Variants in RAF1 observed in about 807,000 individuals in gnomAD.
The protein encoded by RAF1 is Raf-1 proto-oncogene, serine/threonine kinase, also known as RAF proto-oncogene serine/threonine-protein kinase.
Under a neutral mutation model 81.1 loss-of-function variants are expected in RAF1, and 27 were observed. That is an observed-to-expected ratio of 0.33 (90% CI 0.25 to 0.46). RAF1 has a LOEUF of 0.46. RAF1 is among the 20% of genes least tolerant of loss of function. The probability of loss-of-function intolerance (pLI) is 1.00; values close to 1 mark genes in which losing one functional copy is unlikely to be tolerated. For synonymous variants in RAF1, 298 were observed against 294.0 expected (o/e 1.01, Z -0.14); for missense variants, 598 against 826.0 (o/e 0.72, Z 3.38).
At chr3:12,642,324 A>C (rs2060213984) in intron 1 of RAF1, among the ~76,000 whole-genome samples, 1 of 146,582 alleles carries the variant, frequency 6.8e-6, no homozygotes, top group African/African-American at 2.5e-5. Context: ...AAACAAAAAA[A>C]CAAAAACAAA....
At position 12,618,664 on chromosome 3, in the gene RAF1, C is replaced by A. The variant is rs2125453554; in HGVS notation, c.58G>T (p.Ala20Ser). The A allele has an allele frequency of 6.2e-7, 1 of 1,614,210 alleles. No homozygotes were observed. ...ATGCAGCTGGAGCCATCAAACACGG[C>A]ATCTTTGAATCCAAAACCATTGCTG... The change falls in exon 2 of 18, where the codon GCC becomes TCC. Residue 20 changes from alanine (A) to serine (S), a missense_variant. By Grantham distance (99) the Ala-to-Ser change is moderately conservative. Transcript: ENST00000442415.
chr3:12,615,640 A>G (rs1344994994), intron 2 of RAF1, among the ~76,000 whole-genome samples: 1 of 152,162 alleles, frequency 6.6e-6, no homozygotes, highest in Non-Finnish European at 1.5e-5. Context: ...AACAGGCAAA[A>G]CTAACCTAGG....
At chr3:12,635,730 T>C (rs1465793577) in intron 1 of RAF1, among the ~76,000 whole-genome samples, 2 of 151,126 alleles carry the variant, frequency 1.3e-5, no homozygotes, top group East Asian at 3.9e-4. Context: ...TCCCAGCACT[T>C]TGGGAGGCCA....
At chr3:12,594,489 C>T (rs2058624255) in intron 11 of RAF1, among the ~76,000 whole-genome samples, 1 of 152,198 alleles carries the variant, frequency 6.6e-6, no homozygotes, top group Non-Finnish European at 1.5e-5. Context: ...CTAGTTGTCA[C>T]TGAACCCACC....
intron 1 of RAF1, among the ~76,000 whole-genome samples, chr3:12,639,605 G>A (rs907134499): frequency 3.3e-5 from 5 of 152,106 alleles, no homozygotes; most frequent in Admixed American, 3.3e-4. Flanking sequence ...CAAATCATGA[G>A]TGAACTCTCA....
At chr3:12,636,457 C>A (rs74749925) in intron 1 of RAF1, among the ~76,000 whole-genome samples, 2 of 91,286 alleles carry the variant, frequency 2.2e-5, no homozygotes, top group African/African-American at 9.1e-5. Flanking sequence ...AAAAAAAAAA[C>A]TGATTGATTA....
At chr3:12,626,628 G>A (rs1181767633) in intron 1 of RAF1, among the ~76,000 whole-genome samples, 1 of 151,494 alleles carries the variant, frequency 6.6e-6, no homozygotes, top group Non-Finnish European at 1.5e-5. Context: ...ATATTGTTAA[G>A]TATGTAATTT....
chr3:12,609,024 A>G (rs1412785652), intron 4 of RAF1, 101 bp from the exon 5 acceptor site: 18 of 1,309,676 alleles, frequency 1.4e-5, no homozygotes, highest in South Asian at 3.7e-5. Context: ...AAAATGAATC[A>G]TACTTCCAGC....
chr3:12,598,417 C>G (rs1433421462), intron 11 of RAF1, among the ~76,000 whole-genome samples: 1 of 152,104 alleles, frequency 6.6e-6, no homozygotes, highest in Non-Finnish European at 1.5e-5. Context: ...TGATTAATTA[C>G]AAGTGGTAAA....
Position 12,585,176 on chromosome 3 carries a change from C to T in RAF1, c.1674G>A (p.Leu558=), listed in dbSNP as rs2058290806. 1 of 1,614,132 alleles carries T rather than the reference C, an allele frequency of 6.2e-7. No homozygotes were observed. The highest frequency in any genetic ancestry group is 8.5e-7 in the Non-Finnish European group (1 of 1,180,032). Reference sequence around the variant, plus strand: ...GAAGCTCCCCCGTCATCAGTTCATACAATACGATGCCATAGGAGTAGACAT... The same window carrying T: ...GAAGCTCCCCCGTCATCAGTTCATATAATACGATGCCATAGGAGTAGACAT... Residue 558 remains leucine (L), a synonymous_variant, in exon 16 of 18, where the codon TTG becomes TTA. Transcript: ENST00000442415.
rs1575701959 is a variant in RAF1, at chr3:12,663,803, T to G, written c.-27+10A>C. 2.5e-6 allele frequency: 1 copy of G among 397,068 alleles called. No individual in the cohort carries two copies. 24.6% of individuals were successfully genotyped at this position (397,068 alleles called of 1,614,324 possible). Reference sequence around the variant, plus strand: ...TCCCCCGGCATCCACGACCCGGTCCTGCCACCTACCTGAGGGAGCCAGGCC... The same window carrying G: ...TCCCCCGGCATCCACGACCCGGTCCGGCCACCTACCTGAGGGAGCCAGGCC... On this transcript the variant is annotated intron_variant, in intron 1 of 17. Coordinates refer to ENST00000442415, the MANE Select transcript of RAF1 (RefSeq NM_001354689.3).
chr3:12,584,332 C>T lies in RAF1; in HGVS notation c.*182G>A. The T allele has an allele frequency of 1.4e-6, 1 of 730,800 alleles. No homozygotes were observed. The highest frequency in any genetic ancestry group is 2.2e-6 in the Non-Finnish European group (1 of 444,484). The allele number at this position is 730,800 out of a possible 1,614,324, so 45.3% of individuals were successfully genotyped here. On this transcript the variant is annotated 3_prime_UTR_variant, in exon 18 of 18. Coordinates refer to ENST00000442415, the MANE Select transcript of RAF1 (RefSeq NM_001354689.3). ...AGCACTGCAAATGGCTTCCTTCTCC[C>T]AGGGCCCAAAGGGATAGAAAAGAAG...
At chr3:12,610,230 C>T (rs11128606) in intron 3 of RAF1, among the ~76,000 whole-genome samples, 1,573 of 152,286 alleles carry the variant, frequency 0.01, 21 homozygotes, top group African/African-American at 0.036. Context: ...ACATGTATAG[C>T]ACCATTCAAG....
At chr3:12,624,885 C>CAAAAA (rs11298876) in intron 1 of RAF1, among the ~76,000 whole-genome samples, 34 of 111,656 alleles carry the variant, frequency 3.0e-4, no homozygotes, top group Admixed American at 6.0e-4. Context: ...GACTCCAACT[C>CAAAAA]AAAAAAAAAA....
chr3:12,591,050 G>A, intron 12 of RAF1, 76 bp from the exon 12 acceptor site: 1 of 1,395,254 alleles, frequency 7.2e-7, no homozygotes. Flanking sequence ...CCCGTGGACA[G>A]TGGGTTCTGT....
At chr3:12,626,702 T>C (rs1408790768) in intron 1 of RAF1, among the ~76,000 whole-genome samples, 1 of 152,082 alleles carries the variant, frequency 6.6e-6, no homozygotes. Flanking sequence ...TTCTGCTCAA[T>C]GATAAAGTTT....
rs2059095894 is a variant in RAF1, at chr3:12,608,052, C to T, written c.581+714G>A. ...TCAAGCTCTCATCACAAAATCAATA[C>T]GTAAGTGACCATGAAAGCAAAAACA... On this transcript the variant is annotated intron_variant, in intron 5 of 17. Coordinates refer to ENST00000442415, the MANE Select transcript of RAF1 (RefSeq NM_001354689.3). 2.7e-5 allele frequency among the ~76,000 whole-genome samples: 4 copies of T among 149,798 alleles called. No homozygotes were observed. In the South Asian group the frequency reaches 6.3e-4, roughly 24 times the overall value.
intron 11 of RAF1, among the ~76,000 whole-genome samples, chr3:12,598,725 C>CA (rs59472802): frequency 0.031 from 1,910 of 61,912 alleles, 134 homozygotes; most frequent in East Asian, 0.1. Context: ...GAATCTATCT[C>CA]AAAAAAAAAA....
intron 1 of RAF1, among the ~76,000 whole-genome samples, chr3:12,645,366 T>G (rs932170651): frequency 1.3e-5 from 2 of 152,152 alleles, no homozygotes; most frequent in African/African-American, 4.8e-5. Flanking sequence ...CAGGTATTAT[T>G]CATACTATCC....
Sources: gnomAD v4.1 joint callset for allele counts (sites outside exome capture counted in the v4.1 genomes callset) on GRCh38, gnomAD v4.1.1 for gene constraint, MANE v1.5 for transcripts, NCBI Gene and HGNC (gene_info 2026-07-23, HGNC 2026-07-21) for gene names.